SUPT3H: variants seen among roughly 807,000 people sequenced by gnomAD.
SUPT3H encodes SPT3 homolog, SAGA and STAGA complex component, also known as transcription initiation protein SPT3 homolog.
In SUPT3H, 44 loss-of-function variants were observed where a neutral mutation model predicts 44.3. That is an observed-to-expected ratio of 0.99 (90% CI 0.78 to 1.28). The LOEUF (loss-of-function observed/expected upper bound fraction) is 1.28, where lower values mean the gene tolerates loss of function less well. Among genes scored for constraint, SUPT3H ranks in the 50% most tolerant of loss-of-function variants. SUPT3H has a pLI of 0.00. For synonymous variants in SUPT3H, 124 were observed against 125.6 expected (o/e 0.99, Z 0.09); for missense variants, 380 against 387.1 (o/e 0.98, Z 0.15).
At chr6:45,026,757 T>C (rs1202693697) in intron 3 of SUPT3H, among the ~76,000 whole-genome samples, 1 of 152,094 alleles carries the variant, frequency 6.6e-6, no homozygotes, top group Non-Finnish European at 1.5e-5. Context: ...GATGACTTAT[T>C]ATGAGAGGTG....
intron 2 of SUPT3H, among the ~76,000 whole-genome samples, chr6:45,335,756 T>G (rs12199256): frequency 0.23 from 34,012 of 150,916 alleles, 4,487 homozygotes; most frequent in Non-Finnish European, 0.31. Flanking sequence ...ATGAGAAAAC[T>G]CCCATCAAGA....
intron 2 of SUPT3H, among the ~76,000 whole-genome samples, chr6:45,238,742 T>C (rs1400939948): frequency 1.3e-5 from 2 of 152,206 alleles, no homozygotes; most frequent in Non-Finnish European, 2.9e-5. Flanking sequence ...TGATAGGAAA[T>C]GGGAGAACTT....
At chr6:45,167,062 A>T (rs1391329762) in intron 2 of SUPT3H, among the ~76,000 whole-genome samples, 1 of 152,226 alleles carries the variant, frequency 6.6e-6, no homozygotes, top group Non-Finnish European at 1.5e-5. Flanking sequence ...ATTTTTTAAT[A>T]AAAAGCCTTA....
chr6:45,284,355 T>C (rs917781638), intron 2 of SUPT3H, among the ~76,000 whole-genome samples: 1 of 151,586 alleles, frequency 6.6e-6, no homozygotes, highest in Non-Finnish European at 1.5e-5. Flanking sequence ...CTACCAAGAC[T>C]AATAAAGAAG....
At position 45,011,220 on chromosome 6, in the gene SUPT3H, T is replaced by C. The variant is rs565720360; in HGVS notation, c.364+3581A>G. On this transcript the variant is annotated intron_variant, in intron 5 of 10. Transcript: ENST00000371459. ...TGGTTTTCATATCAGGCTCAATCTA[T>C]ATTACCTTTATAGAATTAGTTGGGA... Among the ~76,000 whole-genome samples the C allele has an allele frequency of 4.6e-5, 7 of 152,236 alleles. No individual in the cohort carries two copies. In the South Asian group the frequency reaches 1.0e-3, roughly 23 times the overall value.
At chr6:45,374,100 G>A (rs1455654540) in intron 1 of SUPT3H, among the ~76,000 whole-genome samples, 1 of 152,160 alleles carries the variant, frequency 6.6e-6, no homozygotes, top group Non-Finnish European at 1.5e-5. Context: ...GGATGAGGAT[G>A]GGTACTAATT....
intron 2 of SUPT3H, among the ~76,000 whole-genome samples, chr6:45,166,492 G>A (rs1809875632): frequency 6.6e-6 from 1 of 150,962 alleles, no homozygotes; most frequent in Non-Finnish European, 1.5e-5. Context: ...GGCTGAGGCA[G>A]GAGAATGGCG....
At chr6:45,232,961 C>T (rs1047562824) in intron 2 of SUPT3H, among the ~76,000 whole-genome samples, 1 of 152,296 alleles carries the variant, frequency 6.6e-6, no homozygotes, top group African/African-American at 2.4e-5. Flanking sequence ...TCCCTCTCTA[C>T]ATGTGAGAGC....
intron 9 of SUPT3H, among the ~76,000 whole-genome samples, chr6:44,947,635 T>C (rs531537043): frequency 8.5e-5 from 13 of 152,266 alleles, no homozygotes; most frequent in African/African-American, 2.4e-4. Flanking sequence ...AGCATGTCCA[T>C]ATTAAGCTTA....
chr6:44,947,321 T>A (rs1032955111), intron 9 of SUPT3H, among the ~76,000 whole-genome samples: 9 of 152,182 alleles, frequency 5.9e-5, no homozygotes, highest in East Asian at 1.9e-4. Context: ...AGGAAGTGGA[T>A]GGAAAAACAT....
At chr6:45,064,814 TC>T (rs1792933686) in intron 3 of SUPT3H, among the ~76,000 whole-genome samples, 1 of 148,326 alleles carries the variant, frequency 6.7e-6, no homozygotes, top group Non-Finnish European at 1.5e-5. Flanking sequence ...ATAAAGCAAG[TC>T]CTGAGTGACC....
chr6:45,283,718 G>A (rs1343200639), intron 2 of SUPT3H, among the ~76,000 whole-genome samples: 2 of 151,688 alleles, frequency 1.3e-5, no homozygotes, highest in Non-Finnish European at 2.9e-5. Flanking sequence ...ATTGAACTCA[G>A]CTTTTCACCA....
downstream of SUPT3H, among the ~76,000 whole-genome samples, chr6:44,824,192 CA>C (rs1767573269): frequency 6.6e-6 from 1 of 152,298 alleles, no homozygotes; most frequent in East Asian, 1.9e-4. Context: ...CCTTACAGGC[CA>C]AACCTATGGA....
intron 9 of SUPT3H, among the ~76,000 whole-genome samples, chr6:44,948,097 A>T (rs1773642032): frequency 6.6e-6 from 1 of 152,200 alleles, no homozygotes; most frequent in African/African-American, 2.4e-5. Context: ...TTTGTCAAAG[A>T]TCAGATGGTT....
intron 10 of SUPT3H, among the ~76,000 whole-genome samples, chr6:44,905,791 T>C (rs1765944503): frequency 6.6e-6 from 1 of 152,280 alleles, no homozygotes; most frequent in East Asian, 1.9e-4. Flanking sequence ...CCAACAATGA[T>C]AGACTGGATT....
chr6:45,160,610 G>C (rs1244209980), intron 2 of SUPT3H, among the ~76,000 whole-genome samples: 3 of 148,052 alleles, frequency 2.0e-5, no homozygotes, highest in African/African-American at 7.4e-5. Context: ...ATACTGAATT[G>C]AAACAAAAAA....
intron 2 of SUPT3H, among the ~76,000 whole-genome samples, chr6:45,136,760 A>G (rs1301453362): frequency 6.6e-6 from 1 of 152,140 alleles, no homozygotes; most frequent in Non-Finnish European, 1.5e-5. Context: ...GGACAAAATG[A>G]GTAAAAAAGA....
intron 2 of SUPT3H, among the ~76,000 whole-genome samples, chr6:45,156,932 G>A (rs569481818): frequency 5.5e-4 from 84 of 152,072 alleles, no homozygotes; most frequent in African/African-American, 1.9e-3. Context: ...GGATAATCTA[G>A]TTGAAATCAA....
chr6:45,129,990 A>C (rs1261125114), intron 2 of SUPT3H, among the ~76,000 whole-genome samples: 2 of 152,224 alleles, frequency 1.3e-5, no homozygotes, highest in Non-Finnish European at 2.9e-5. Context: ...AAGTGATCAA[A>C]ATATTCTAAA....
Sources: allele counts gnomAD v4.1 joint callset (sites outside exome capture counted in the v4.1 genomes callset), GRCh38; gene constraint gnomAD v4.1.1; transcripts MANE v1.5; gene names NCBI Gene and HGNC (gene_info 2026-07-23, HGNC 2026-07-21).